IKZF4: variants seen among roughly 807,000 people sequenced by gnomAD.
The protein encoded by IKZF4 is zinc finger protein Eos.
IKZF4 carries 11 observed loss-of-function variants against 47.7 expected under a neutral mutation model. That is an observed-to-expected ratio of 0.23 (90% CI 0.15 to 0.38). The LOEUF (loss-of-function observed/expected upper bound fraction) is 0.38, where lower values mean the gene tolerates loss of function less well. Among genes scored for constraint, IKZF4 ranks in the 10% least tolerant of loss-of-function variants. The pLI is 1.00. For synonymous variants in IKZF4, 298 were observed against 299.4 expected, an observed-to-expected ratio of 1.00 and a Z score of 0.05; for missense variants, 557 against 784.9, an observed-to-expected ratio of 0.71 and a Z score of 3.47.
Position 56,037,860 on chromosome 12 carries a change from A to G in IKZF4, c.*2529A>G, listed in dbSNP as rs960468153. 2.0e-5 allele frequency: 3 copies of G among 152,024 alleles called. No individual in the cohort carries two copies. Among genetic ancestry groups the G allele is most frequent in the Admixed American group, 2.0e-4 (3 of 15,240 alleles). The allele number at this position is 152,024 out of a possible 1,614,324, so 9.4% of individuals were successfully genotyped here. A position where few individuals can be genotyped will look rare whatever the true frequency, so the allele number is the denominator to read the frequency against. Reference sequence around the variant, plus strand: ...ATAAAAAAAAAAGTAAAGAAAAAGAAAAAAAAATACACACACACTGAAACC... The same window carrying G: ...ATAAAAAAAAAAGTAAAGAAAAAGAGAAAAAAATACACACACACTGAAACC... On this transcript the variant is annotated 3_prime_UTR_variant, in exon 8 of 8. Transcript: ENST00000547167.
intron 5 of IKZF4, among the ~76,000 whole-genome samples, chr12:56,029,343 A>C: frequency 6.6e-6 from 1 of 152,208 alleles, no homozygotes; most frequent in Non-Finnish European, 1.5e-5. Context: ...TAGGCATTTT[A>C]CTAAGCTTTA....
At chr12:56,032,507 G>A in intron 5 of IKZF4, 54 bp from the exon 6 acceptor site, 1 of 1,542,954 alleles carries the variant, frequency 6.5e-7, no homozygotes, top group Non-Finnish European at 8.8e-7. Flanking sequence ...AATCTGCAGA[G>A]CCAGGGCACA....
intron 3 of IKZF4, among the ~76,000 whole-genome samples, chr12:56,025,790 TC>T (rs1175826511): frequency 6.6e-6 from 1 of 152,100 alleles, no homozygotes; most frequent in Non-Finnish European, 1.5e-5. Flanking sequence ...CCTTCAGTCT[TC>T]CTAGATCTGT....
intron 1 of IKZF4, among the ~76,000 whole-genome samples, chr12:56,008,868 G>A (rs1460503709): frequency 1.3e-5 from 2 of 151,704 alleles, no homozygotes; most frequent in Non-Finnish European, 2.9e-5. Flanking sequence ...TAGAGATGGG[G>A]GTCTCACCAT....
At position 56,021,151 on chromosome 12, in the gene IKZF4, C is replaced by T; in HGVS notation, c.-343C>T. On this transcript the variant is annotated 5_prime_UTR_variant, in exon 1 of 8. Coordinates refer to ENST00000547167, the MANE Select transcript of IKZF4 (RefSeq NM_022465.4). ...CCCTGTGCACACACCCACCACCCACCCCCTTCACTGTCTTGGAAAAGGGAT... is the reference window on the plus strand; with the variant it reads ...CCCTGTGCACACACCCACCACCCACTCCCTTCACTGTCTTGGAAAAGGGAT... The T allele has an allele frequency of 7.2e-7, 1 of 1,395,716 alleles. No individual in the cohort carries two copies. The highest frequency in any genetic ancestry group is 1.6e-5 in the South Asian group (1 of 63,812). 86.5% of individuals were successfully genotyped at this position (1,395,716 alleles called of 1,614,324 possible). A position where few individuals can be genotyped will look rare whatever the true frequency, so the allele number is the denominator to read the frequency against.
rs761571644 is a variant in IKZF4 at position 56,034,720 on chromosome 12, C to A, written c.1147C>A (p.Pro383Thr). 5.0e-5 allele frequency: 80 copies of A among 1,613,918 alleles called. No homozygotes were observed. The highest frequency in any genetic ancestry group is 5.1e-6 in the Non-Finnish European group (6 of 1,179,904). Residue 383 changes from proline to threonine, a missense_variant, in exon 8 of 8, where the codon CCC (proline) becomes ACC (threonine). By Grantham distance (38) the Pro-to-Thr change is conservative. Transcript: ENST00000547167. ...CTTTGTGGGTGCAGAGCATCTGCGT[C>A]CCCTCCGCCTTCCACCCACCAATTG... ...LAFVGAEHLR[P>T]LRLPPTNCIS... is the part of the protein sequence containing the mutation.
intron 2 of IKZF4, among the ~76,000 whole-genome samples, chr12:56,014,393 C>A (rs1334984805): frequency 6.6e-6 from 1 of 152,154 alleles, no homozygotes; most frequent in Non-Finnish European, 1.5e-5. Flanking sequence ...GAATGAGATA[C>A]ACTTCCTGAG....
chr12:56,026,229 AC>A (rs1175652257), intron 3 of IKZF4, among the ~76,000 whole-genome samples: 1 of 151,060 alleles, frequency 6.6e-6, no homozygotes, highest in Non-Finnish European at 1.5e-5. Context: ...GAGCCACCAC[AC>A]CCGGCCCAAC....
At chr12:56,016,203 C>A (rs1211529566), upstream of IKZF4, among the ~76,000 whole-genome samples, 1 of 151,732 alleles carries the variant, frequency 6.6e-6, no homozygotes, top group African/African-American at 2.4e-5. Context: ...ACTCTGTGTG[C>A]CTTCCTGCAC....
At chr12:56,015,675 C>T (rs1891951215) in intron 2 of IKZF4, among the ~76,000 whole-genome samples, 2 of 152,316 alleles carry the variant, frequency 1.3e-5, no homozygotes, top group South Asian at 4.1e-4. Flanking sequence ...AGATTACAGG[C>T]CTGAGCCACC....
chr12:56,032,494 C>T, intron 5 of IKZF4, 67 bp from the exon 6 acceptor site: 1 of 1,475,754 alleles, frequency 6.8e-7, no homozygotes, highest in Non-Finnish European at 9.1e-7. Context: ...TTGCTCTTGG[C>T]TGAATCTGCA....
chr12:56,016,627 G>C (rs555176651), upstream of IKZF4, among the ~76,000 whole-genome samples: 5 of 149,490 alleles, frequency 3.3e-5, no homozygotes, highest in African/African-American at 1.2e-4. Flanking sequence ...ACGGAGTTTC[G>C]CTCTTGTTGC....
chr12:56,034,500 CAAA>C, intron 7 of IKZF4, 68 bp from the exon 8 acceptor site: 1 of 1,469,966 alleles, frequency 6.8e-7, no homozygotes, highest in Non-Finnish European at 9.2e-7. Context: ...GGTAAAAAAA[CAAA>C]GAAGTAATCC....
chr12:56,008,562 T>C (rs1417112318), intron 1 of IKZF4, among the ~76,000 whole-genome samples: 1 of 152,088 alleles, frequency 6.6e-6, no homozygotes, highest in Non-Finnish European at 1.5e-5. Context: ...TAGTCCTTTC[T>C]GGGAACAGTG....
At position 56,021,419 on chromosome 12, in the gene IKZF4, C is replaced by T; in HGVS notation, c.-75C>T. The T allele has an allele frequency of 1.3e-6, 2 of 1,550,816 alleles. No homozygotes were observed. ...CTGCCTGCGAAATGACGGCGGTTCC[C>T]CTCACTTCCAGGAATCCACGCTTCC... On this transcript the variant is annotated 5_prime_UTR_variant, in exon 1 of 8. Transcript: ENST00000547167.
rs763780206 is a variant in IKZF4, at chr12:56,027,880, A to G, written c.648A>G (p.Lys216=). ...IKLHSGEKPF[K]CPFCNYACRR... Reference sequence around the variant, plus strand: ...TGCACTCTGGGGAGAAGCCCTTTAAATGTCCCTTCTGCAACTATGCCTGCC... The same window carrying G: ...TGCACTCTGGGGAGAAGCCCTTTAAGTGTCCCTTCTGCAACTATGCCTGCC... The change falls in exon 5 of 8, where the codon AAA becomes AAG. Residue 216 remains lysine, a synonymous_variant. Coordinates refer to ENST00000547167, the MANE Select transcript of IKZF4 (RefSeq NM_022465.4). The G allele has an allele frequency of 1.2e-6, 2 of 1,608,940 alleles. No individual in the cohort carries two copies. The highest frequency in any genetic ancestry group is 1.7e-5 in the Admixed American group (1 of 59,528).
intron 4 of IKZF4, 125 bp from the exon 5 acceptor site, chr12:56,027,655 T>C: frequency 1.1e-6 from 1 of 923,738 alleles, no homozygotes; most frequent in Non-Finnish European, 1.7e-6. Flanking sequence ...GCATTGCACT[T>C]CTGCCCGTCA....
At chr12:56,032,039 C>A (rs982261339) in intron 5 of IKZF4, among the ~76,000 whole-genome samples, 4 of 152,160 alleles carry the variant, frequency 2.6e-5, no homozygotes, top group Admixed American at 1.3e-4. Flanking sequence ...GCCCCCTCCC[C>A]ACATTGGCAG....
intron 1 of IKZF4, among the ~76,000 whole-genome samples, chr12:56,008,355 C>T (rs953782098): frequency 2.1e-4 from 32 of 152,050 alleles, no homozygotes; most frequent in Non-Finnish European, 7.4e-5. Flanking sequence ...ACAGAGGAAT[C>T]CCCAGGGCAG....
Sources: gnomAD v4.1 joint callset for allele counts (sites outside exome capture counted in the v4.1 genomes callset) on GRCh38, gnomAD v4.1.1 for gene constraint, MANE v1.5 for transcripts, NCBI Gene and HGNC (gene_info 2026-07-23, HGNC 2026-07-21) for gene names.